Variants in BAZ1B observed in about 807,000 individuals in gnomAD.
BAZ1B encodes the protein tyrosine-protein kinase BAZ1B.
Under a neutral mutation model 153.8 loss-of-function variants are expected in BAZ1B, and 22 were observed. That is an observed-to-expected ratio of 0.14 (90% confidence interval 0.10 to 0.20). The LOEUF (loss-of-function observed/expected upper bound fraction) is 0.20. BAZ1B is among the 10% of genes least tolerant of loss of function. BAZ1B has a pLI of 1.00. For synonymous variants in BAZ1B, 676 were observed against 633.4 expected (o/e 1.07, Z -1.01); for missense variants, 1,325 against 1,799.3 (o/e 0.74, Z 4.77).
intron 13 of BAZ1B, among the ~76,000 whole-genome samples, chr7:73,455,653 C>T (rs1298475200): frequency 1.3e-5 from 2 of 152,052 alleles, no homozygotes; most frequent in African/African-American, 2.4e-5. Context: ...TGGTGACACT[C>T]GCCTATAATC....
Position 73,449,523 on chromosome 7 carries a change from T to TAA in BAZ1B, c.3728+17_3728+18dup, listed in dbSNP as rs1787955609. 24 of 1,597,350 alleles carry TAA rather than the reference T, an allele frequency of 1.5e-5. No homozygotes were observed. The East Asian group carries it at 5.4e-4, about 36-fold the overall frequency. On this transcript the variant is annotated intron_variant, in intron 15 of 19. Transcript: ENST00000339594. The stretch of plus-strand genomic sequence containing the variant: ...TCATATTTATTCATTCAATTATTTT[T>TAA]AAAAGAAAAGATTCTCACCTGCCAC...
intron 15 of BAZ1B, among the ~76,000 whole-genome samples, chr7:73,448,985 C>T (rs1172443926): frequency 1.3e-5 from 2 of 152,032 alleles, no homozygotes; most frequent in African/African-American, 4.8e-5. Flanking sequence ...CAAAGGAGCC[C>T]AGGTGACAGA....
At chr7:73,498,391 A>C in intron 4 of BAZ1B, 106 bp downstream of exon 4, 1 of 1,041,594 alleles carries the variant, frequency 9.6e-7, no homozygotes, top group South Asian at 1.5e-5. Context: ...AATCATGTCT[A>C]CATAAAAAAT....
chr7:73,520,838 CAT>C (rs1416410716), intron 1 of BAZ1B, among the ~76,000 whole-genome samples: 1 of 152,186 alleles, frequency 6.6e-6, no homozygotes, highest in Non-Finnish European at 1.5e-5. Context: ...TGAGAAAACT[CAT>C]AACACATTAG....
intron 3 of BAZ1B, among the ~76,000 whole-genome samples, chr7:73,503,372 CT>C (rs1360718211): frequency 6.6e-6 from 1 of 151,964 alleles, no homozygotes; most frequent in East Asian, 1.9e-4. Context: ...TATCTCTTCC[CT>C]TTCCTCTTTT....
rs1242807439 is a variant in BAZ1B, at chr7:73,497,081, A to AAAAAAAAAAAAAAAAC, written c.571+1415_571+1416insGTTTTTTTTTTTTTTT. 6.2e-4 allele frequency among the ~76,000 whole-genome samples: 94 copies of AAAAAAAAAAAAAAAAC among 150,518 alleles called. 1 individual carries two copies. The highest frequency in any genetic ancestry group is 2.1e-3 in the African/African-American group (85 of 40,390). On this transcript the variant is annotated intron_variant, in intron 4 of 19. Coordinates refer to ENST00000339594, the MANE Select transcript of BAZ1B (RefSeq NM_032408.4). ...TGACCTCTACAAAAAAAAAAAAAAA[A>AAAAAAAAAAAAAAAAC]AACCTACAAAAATTAGCTGGGTGTG...
intron 7 of BAZ1B, among the ~76,000 whole-genome samples, chr7:73,475,436 T>A (rs1554572615): frequency 6.6e-6 from 1 of 152,168 alleles, no homozygotes; most frequent in Admixed American, 6.5e-5. Context: ...TGGATGAACC[T>A]GGAGAACATG....
chr7:73,477,250 A>C lies in BAZ1B; in HGVS notation c.2211T>G (p.Phe737Leu). The stretch of plus-strand genomic sequence containing the variant: ...GCTTCTCCTCTGACGTCAGCTCAAA[A>C]AATTCAGAGGTCTCCAGCTTTTCTA... ...EFLEKLETSE[F>L]FELTSEEKLQ... is the part of the protein sequence containing the mutation. Residue 737 changes from phenylalanine (F) to leucine (L), a missense_variant, in exon 7 of 20, where the codon TTT becomes TTG. Around this residue, in one of 9 missense-constraint regions of BAZ1B, gnomAD observed 431 missense variants for 563.5 expected, o/e 0.76. Transcript: ENST00000339594. The surrounding 1 kb of genome is among the most constrained non-coding windows in gnomAD (Gnocchi z 5.6). 6.2e-7 allele frequency: 1 copy of C among 1,614,182 alleles called. No individual in the cohort carries two copies. The highest frequency in any genetic ancestry group is 1.6e-4 in the Middle Eastern group (1 of 6,062).
intron 16 of BAZ1B, 119 bp downstream of exon 16, chr7:73,447,140 TCACAA>T: frequency 6.4e-7 from 1 of 1,556,664 alleles, no homozygotes; most frequent in Non-Finnish European, 8.7e-7. Context: ...TACGCCACAG[TCACAA>T]CACAAGAGAA....
chr7:73,494,945 A>G (rs1042942691), intron 4 of BAZ1B, among the ~76,000 whole-genome samples: 1 of 152,216 alleles, frequency 6.6e-6, no homozygotes. Flanking sequence ...TTGGGATACA[A>G]GAAGAGTGAA....
intron 4 of BAZ1B, among the ~76,000 whole-genome samples, chr7:73,497,110 G>A (rs1789941542): frequency 7.3e-6 from 1 of 137,078 alleles, no homozygotes; most frequent in African/African-American, 3.0e-5. Flanking sequence ...GGGTGTGGTG[G>A]TGCATGCCTA....
rs182320833 is a variant in BAZ1B at position 73,441,152 on chromosome 7, A to C, written c.*557T>G. ...CTTGCCTCAATGAGCCTCCAACCCA[A>C]CTGCTCTAGAGGAGAGTGGATGGGC... is the stretch of plus-strand genomic sequence containing the variant. On this transcript the variant is annotated 3_prime_UTR_variant, in exon 20 of 20. Transcript: ENST00000339594. The C allele has an allele frequency of 6.5e-6, 1 of 152,686 alleles. No homozygotes were observed. Among genetic ancestry groups the C allele is most frequent in the South Asian group, 2.1e-4 (1 of 4,832 alleles). 9.5% of individuals were successfully genotyped at this position (152,686 alleles called of 1,614,324 possible). A position where few individuals can be genotyped will look rare whatever the true frequency, so the allele number is the denominator to read the frequency against.
At position 73,470,501 on chromosome 7, in the gene BAZ1B, A is replaced by T. The variant is rs782384658; in HGVS notation, c.2594-18T>A. 2.5e-6 allele frequency: 4 copies of T among 1,608,672 alleles called. No homozygotes were observed. The South Asian group carries it at 4.4e-5, about 18-fold the overall frequency. ...CAGTTTCACTGTTAAAAATAAAAAG[A>T]CTCAAATCAGATATTTTCCTAGTAA... On this transcript the variant is annotated intron_variant, in intron 7 of 19. Coordinates refer to ENST00000339594, the MANE Select transcript of BAZ1B (RefSeq NM_032408.4).
At chr7:73,505,450 G>A (rs557301844) in intron 3 of BAZ1B, among the ~76,000 whole-genome samples, 2 of 152,290 alleles carry the variant, frequency 1.3e-5, no homozygotes, top group South Asian at 2.1e-4. Flanking sequence ...AATCACGTCT[G>A]TCTTGTTTAA....
At chr7:73,515,240 T>A (rs1349168178) in intron 1 of BAZ1B, among the ~76,000 whole-genome samples, 1 of 152,222 alleles carries the variant, frequency 6.6e-6, no homozygotes, top group Non-Finnish European at 1.5e-5. Context: ...TATGATAGAT[T>A]GTATTAGTTT....
chr7:73,486,535 C>T (rs930207570), intron 6 of BAZ1B, among the ~76,000 whole-genome samples: 1 of 152,126 alleles, frequency 6.6e-6, no homozygotes, highest in Non-Finnish European at 1.5e-5. Flanking sequence ...ACCATGTCAG[C>T]CAGGATGGTC....
intron 7 of BAZ1B, 112 bp from the exon 8 acceptor site, chr7:73,470,595 T>TA: frequency 7.9e-7 from 1 of 1,272,684 alleles, no homozygotes; most frequent in Admixed American, 2.5e-5. Flanking sequence ...TATCAAATCT[T>TA]AGTTTGCTTT....
chr7:73,444,161 C>A (rs918422552), intron 16 of BAZ1B, 32 bp from the exon 17 acceptor site: 3 of 1,555,160 alleles, frequency 1.9e-6, no homozygotes, highest in Non-Finnish European at 2.6e-6. Context: ...CAGCAGAGAA[C>A]AACGGAAGGT....
At chr7:73,452,446 G>A (rs945267826) in intron 13 of BAZ1B, among the ~76,000 whole-genome samples, 18 of 152,266 alleles carry the variant, frequency 1.2e-4, no homozygotes, top group South Asian at 8.3e-4. Flanking sequence ...ACGTTCGGCC[G>A]GGCGTGGTGG....
Sources: gnomAD v4.1 joint callset for allele counts (sites outside exome capture counted in the v4.1 genomes callset) on GRCh38, gnomAD v4.1.1 for gene constraint, gnomAD v4.1.1 regional missense constraint, Gnocchi (gnomAD v3.1) non-coding constraint, MANE v1.5 for transcripts, NCBI Gene and HGNC (gene_info 2026-07-23, HGNC 2026-07-21) for gene names.